CFAP46: variants seen among roughly 807,000 people sequenced by gnomAD.
CFAP46 encodes cilia and flagella associated protein 46.
A neutral mutation model predicts 325.7 loss-of-function variants in CFAP46; 245 were observed. The observed-to-expected ratio is 0.75, with a 90% CI of 0.68 to 0.84. The LOEUF (loss-of-function observed/expected upper bound fraction) is 0.84, where lower values mean the gene tolerates loss of function less well. CFAP46 is among the 40% of genes least tolerant of loss of function. The probability of loss-of-function intolerance (pLI) is 0.00; values close to 1 mark genes in which losing one functional copy is unlikely to be tolerated. For synonymous variants in CFAP46, 1,523 were observed against 1,495.9 expected (o/e 1.02, Z -0.42); for missense variants, 3,346 against 3,543.0 (o/e 0.94, Z 1.41).
rs185301300 is a variant in CFAP46 at position 132,911,474 on chromosome 10, G to A, written c.2499+1181C>T. ...CAGCTCCCCCGCCCCGTGCCCCTGC[G>A]GAGACACTCAAGGCCTCCCTGCCCC... On this transcript the variant is annotated intron_variant, in intron 19 of 57. Transcript: ENST00000368586. Among the ~76,000 whole-genome samples, 782 of 152,252 alleles carry A rather than the reference G, an allele frequency of 5.1e-3. 2 individuals carry two copies. Among genetic ancestry groups the A allele is most frequent in the Non-Finnish European group, 8.2e-3 (556 of 68,008 alleles).
chr10:132,900,504 C>G (rs976572258), intron 22 of CFAP46, among the ~76,000 whole-genome samples: 1 of 152,260 alleles, frequency 6.6e-6, no homozygotes, highest in Non-Finnish European at 1.5e-5. Context: ...GTAGACTCCC[C>G]TCATGGGCCA....
At chr10:132,815,526 G>T (rs746261738) in intron 50 of CFAP46, among the ~76,000 whole-genome samples, 1 of 152,236 alleles carries the variant, frequency 6.6e-6, no homozygotes, top group Non-Finnish European at 1.5e-5. Context: ...CATTGCGTTT[G>T]GTTCCTGGCT....
At chr10:132,911,983 C>CGTCT (rs1849546688) in intron 19 of CFAP46, among the ~76,000 whole-genome samples, 1 of 152,080 alleles carries the variant, frequency 6.6e-6, no homozygotes, top group African/African-American at 2.4e-5. Context: ...ATTGTTCTCA[C>CGTCT]GTCTGTCGCC....
intron 50 of CFAP46, among the ~76,000 whole-genome samples, chr10:132,822,463 G>C (rs537590283): frequency 3.4e-4 from 49 of 142,494 alleles, no homozygotes; most frequent in South Asian, 1.9e-3. Flanking sequence ...TGCTGTGTGA[G>C]TGCTGATGTG....
chr10:132,900,756 A>G (rs1331223465), intron 22 of CFAP46, among the ~76,000 whole-genome samples: 1 of 152,224 alleles, frequency 6.6e-6, no homozygotes, highest in Non-Finnish European at 1.5e-5. Context: ...TGGGTTATGC[A>G]GTTGTTGAGT....
intron 44 of CFAP46, among the ~76,000 whole-genome samples, chr10:132,845,130 C>T (rs142454979): frequency 1.3e-5 from 2 of 152,358 alleles, no homozygotes; most frequent in Non-Finnish European, 2.9e-5. Context: ...GACCCAGCTC[C>T]GGCAGGGCCA....
At chr10:132,909,779 G>A in intron 20 of CFAP46, 140 bp downstream of exon 20, 1 of 781,846 alleles carries the variant, frequency 1.3e-6, no homozygotes, top group Non-Finnish European at 1.9e-6. Context: ...GAGCTCAGTG[G>A]GAAAAGGGAG....
At position 132,880,846 on chromosome 10, in the gene CFAP46, GCGGCGTGGGCTCACCATC is replaced by G; in HGVS notation, c.3796_3799+14del. On this transcript the variant is annotated splice_donor_variant and splice_donor_5th_base_variant and coding_sequence_variant and intron_variant, in exon 28 of 58. Transcript: ENST00000368586. LOFTEE classifies it high-confidence loss of function. Reference sequence around the variant, plus strand: ...GCGGCGTGGGGTCGGCACCCTGCCAGCGGCGTGGGCTCACCATCCGGCGTGGGCTGTGGCTCAGGGACA... The same window carrying G: ...GCGGCGTGGGGTCGGCACCCTGCCAGCGGCGTGGGCTGTGGCTCAGGGACA... The G allele has an allele frequency of 6.5e-7, 1 of 1,541,980 alleles. No homozygotes were observed. The highest frequency in any genetic ancestry group is 1.2e-5 in the South Asian group (1 of 83,900).
chr10:132,811,070 G>C (rs754288896), intron 55 of CFAP46, 39 bp from the exon 56 acceptor site: 1 of 1,528,768 alleles, frequency 6.5e-7, no homozygotes, highest in Non-Finnish European at 8.8e-7. Flanking sequence ...GCCTTGGCCT[G>C]ACATGGGGAG....
chr10:132,820,598 A>G (rs371330167), intron 50 of CFAP46, among the ~76,000 whole-genome samples: 31 of 135,754 alleles, frequency 2.3e-4, no homozygotes, highest in South Asian at 1.0e-3. Context: ...CTGTGTGAGC[A>G]CTGATGTGTG....
At chr10:132,895,874 G>A (rs1196471019) in intron 24 of CFAP46, among the ~76,000 whole-genome samples, 1 of 152,128 alleles carries the variant, frequency 6.6e-6, no homozygotes, top group Non-Finnish European at 1.5e-5. Context: ...AAAGACACCA[G>A]AGAGCTTGCT....
intron 22 of CFAP46, among the ~76,000 whole-genome samples, chr10:132,907,890 C>T (rs1849479047): frequency 6.6e-6 from 1 of 152,230 alleles, no homozygotes; most frequent in African/African-American, 2.4e-5. Flanking sequence ...GGAAGGGGCC[C>T]TCGCAGACGC....
intron 23 of CFAP46, 84 bp from the exon 24 acceptor site, chr10:132,899,205 G>A (rs773552126): frequency 9.2e-6 from 13 of 1,414,002 alleles, no homozygotes; most frequent in African/African-American, 2.9e-5. Context: ...AAGGTCGGGC[G>A]CCCAGGGCCC....
chr10:132,905,211 G>C (rs972559061), intron 22 of CFAP46, among the ~76,000 whole-genome samples: 2 of 152,190 alleles, frequency 1.3e-5, no homozygotes, highest in Non-Finnish European at 2.9e-5. Flanking sequence ...TGAACACCAT[G>C]TTTCTCATTG....
rs776037311 is a variant in CFAP46, at chr10:132,846,124, C to T, written c.6371G>A (p.Arg2124Gln). 1.4e-5 allele frequency: 22 copies of T among 1,610,032 alleles called. No individual in the cohort carries two copies. The highest frequency in any genetic ancestry group is 2.2e-5 in the South Asian group (2 of 90,690). ...AALLQLQHQL[R>Q]CQDRTTTSLG... ...GCTGGTGGTGGTCCTGTCTTGGCACCGGAGCTGGTGCTGTAGCTGCAGCAG... is the reference window on the plus strand; with the variant it reads ...GCTGGTGGTGGTCCTGTCTTGGCACTGGAGCTGGTGCTGTAGCTGCAGCAG... Residue 2124 changes from arginine to glutamine, a missense_variant, in exon 44 of 58, where the codon CGG becomes CAG. Arg to Gln is a conservative substitution (Grantham distance 43). Coordinates refer to ENST00000368586, the MANE Select transcript of CFAP46 (RefSeq NM_001200049.3).
chr10:132,873,499 C>T (rs777232089), intron 31 of CFAP46, among the ~76,000 whole-genome samples: 30 of 152,054 alleles, frequency 2.0e-4, no homozygotes, highest in African/African-American at 6.8e-4. Context: ...TCCAGGGATA[C>T]GAGCCTGGCT....
chr10:132,835,979 G>C (rs1372577002), intron 46 of CFAP46, among the ~76,000 whole-genome samples, 163 bp downstream of exon 46: 2 of 62,222 alleles, frequency 3.2e-5, no homozygotes, highest in Non-Finnish European at 6.1e-5. Context: ...TCCCGTCCCC[G>C]CTCCCCTCCC....
At chr10:132,893,089 C>T (rs138068607) in intron 24 of CFAP46, among the ~76,000 whole-genome samples, 3 of 152,362 alleles carry the variant, frequency 2.0e-5, no homozygotes, top group Non-Finnish European at 4.4e-5. Flanking sequence ...GGCTCAAGCA[C>T]GCACACTGAG....
chr10:132,916,028 C>T (rs1050594545), intron 17 of CFAP46, among the ~76,000 whole-genome samples: 10 of 152,252 alleles, frequency 6.6e-5, no homozygotes, highest in Non-Finnish European at 1.3e-4. Flanking sequence ...TGGAACCTCA[C>T]GTCAGCAAAT....
Sources: gnomAD v4.1 joint callset for allele counts (sites outside exome capture counted in the v4.1 genomes callset) on GRCh38, gnomAD v4.1.1 for gene constraint, MANE v1.5 for transcripts, NCBI Gene and HGNC (gene_info 2026-07-23, HGNC 2026-07-21) for gene names.